Variants in CTSS observed in about 807,000 individuals in gnomAD.
CTSS encodes cathepsin S.
Under a neutral mutation model 39.9 loss-of-function variants are expected in CTSS, and 15 were observed. That is an observed-to-expected ratio of 0.38 (90% CI 0.25 to 0.58). The LOEUF (loss-of-function observed/expected upper bound fraction) is 0.58, where lower values mean the gene tolerates loss of function less well. CTSS is among the 20% of genes least tolerant of loss of function. The pLI is 0.70. For missense variants in CTSS, 250 were observed against 398.2 expected (o/e 0.63, Z 3.17); for synonymous variants, 126 against 138.2 (o/e 0.91, Z 0.62).
intron 7 of CTSS, among the ~76,000 whole-genome samples, chr1:150,739,692 ACAAAAAG>A (rs1182456385): frequency 2.0e-5 from 3 of 150,428 alleles, no homozygotes; most frequent in African/African-American, 4.9e-5. Context: ...AACAACAACA[ACAAAAAG>A]AAAGAAAGAA....
Position 150,750,526 on chromosome 1 carries a change from A to G in CTSS, c.628-355T>C, listed in dbSNP as rs2101919492. Among the ~76,000 whole-genome samples, 2 of 152,376 alleles carry G rather than the reference A, an allele frequency of 1.3e-5. 1 individual carries two copies. Among genetic ancestry groups the G allele is most frequent in the Middle Eastern group, 6.8e-3 (2 of 294 alleles). On this transcript the variant is annotated intron_variant, in intron 5 of 7. Transcript: ENST00000368985. The stretch of plus-strand genomic sequence containing the variant: ...GATGCCTGCAAGATGATCTGCAGCT[A>G]AAATGATGGTATATAAAGACCATAT...
At chr1:150,759,271 A>G (rs1306670723) in intron 2 of CTSS, among the ~76,000 whole-genome samples, 2 of 152,044 alleles carry the variant, frequency 1.3e-5, no homozygotes, top group East Asian at 1.9e-4. Flanking sequence ...TGGAGGACTC[A>G]GGACCTTTTC....
intron 7 of CTSS, among the ~76,000 whole-genome samples, chr1:150,736,052 C>T (rs1283585817): frequency 4.6e-5 from 7 of 152,148 alleles, no homozygotes; most frequent in Middle Eastern, 3.2e-3. Flanking sequence ...GCCACTGCGC[C>T]TGGCCCAATT....
intron 2 of CTSS, 101 bp from the exon 3 acceptor site, chr1:150,758,081 ACT>A (rs1352603611): frequency 2.7e-6 from 3 of 1,116,344 alleles, no homozygotes; most frequent in Middle Eastern, 2.8e-4. Flanking sequence ...ATGGAGTCTC[ACT>A]CTGTCACCCA....
At position 150,750,125 on chromosome 1, in the gene CTSS, G is replaced by A. The variant is rs1418968112; in HGVS notation, c.674C>T (p.Ser225Leu). 4.0e-5 allele frequency: 64 copies of A among 1,613,578 alleles called. No individual in the cohort carries two copies. Among genetic ancestry groups the A allele is most frequent in the Non-Finnish European group, 5.3e-5 (62 of 1,179,712 alleles). Residue 225 changes from serine to leucine, a missense_variant, in exon 6 of 8, where the codon TCA becomes TTA. Ser to Leu is a moderately radical substitution (Grantham distance 145). Transcript: ENST00000368985. ...YDSKYRAATC[S>L]KYTELPYGRE... ...GCCATAAGGAAGTTCAGTGTACTTT[G>A]AACATGTGGCAGCACGATATTTTGA...
At position 150,755,067 on chromosome 1, in the gene CTSS, A is replaced by T. The variant is rs1653092217; in HGVS notation, c.333T>A (p.Pro111=). 1 of 1,614,016 alleles carries T rather than the reference A, an allele frequency of 6.2e-7. No homozygotes were observed. Among genetic ancestry groups the T allele is most frequent in the East Asian group, 2.2e-5 (1 of 44,886 alleles). The part of the protein sequence containing the change: ...WQRNITYKSN[P]NRILPDSVDW... ...CCACAGAATCAGGCAATATCCGATT[A>T]GGGTTTGACTTATATGTGATATTTC... The change falls in exon 4 of 8, where the codon CCT becomes CCA. Residue 111 remains proline (P), a synonymous_variant. Transcript: ENST00000368985.
At chr1:150,741,661 A>T (rs1407798647) in intron 7 of CTSS, among the ~76,000 whole-genome samples, 2 of 152,138 alleles carry the variant, frequency 1.3e-5, no homozygotes, top group Non-Finnish European at 2.9e-5. Context: ...ATCACCCAAG[A>T]TCAGGAGTTG....
intron 2 of CTSS, among the ~76,000 whole-genome samples, chr1:150,761,494 G>A (rs587657080): frequency 2.6e-4 from 40 of 152,264 alleles, no homozygotes; most frequent in African/African-American, 8.9e-4. Flanking sequence ...CACTATGGGA[G>A]GCCGAAGCAG....
At chr1:150,738,715 C>T (rs1557808420) in intron 7 of CTSS, among the ~76,000 whole-genome samples, 1 of 151,674 alleles carries the variant, frequency 6.6e-6, no homozygotes, top group Non-Finnish European at 1.5e-5. Context: ...GATCAGTGAT[C>T]TTTAATATTA....
chr1:150,753,622 T>C (rs1653052290), intron 4 of CTSS, among the ~76,000 whole-genome samples: 1 of 152,172 alleles, frequency 6.6e-6, no homozygotes, highest in South Asian at 2.1e-4. Flanking sequence ...AGTTCAGTGT[T>C]TGTCTAAGTA....
rs1175054246 is a variant in CTSS at position 150,744,447 on chromosome 1, G to T, written c.896+3330C>A. ...TATACATAATATTTATATATTATAT[G>T]TATATTATGTATACATAATATATTA... is the stretch of plus-strand genomic sequence containing the variant. On this transcript the variant is annotated intron_variant, in intron 7 of 7. Transcript: ENST00000368985. Among the ~76,000 whole-genome samples the T allele has an allele frequency of 2.3e-3, 70 of 30,656 alleles. 4 individuals carry two copies. The highest frequency in any genetic ancestry group is 6.8e-3 in the African/African-American group (68 of 10,038). 20.1% of individuals were successfully genotyped at this position (30,656 alleles called of 152,430 possible). A position where few individuals can be genotyped will look rare whatever the true frequency, so the allele number is the denominator to read the frequency against.
chr1:150,762,593 G>C (rs1653287947), intron 2 of CTSS, among the ~76,000 whole-genome samples: 1 of 152,078 alleles, frequency 6.6e-6, no homozygotes, highest in African/African-American at 2.4e-5. Context: ...AAACAACCCT[G>C]TTTAAAAATG....
intron 7 of CTSS, among the ~76,000 whole-genome samples, chr1:150,739,087 C>T (rs757837194): frequency 1.3e-4 from 20 of 151,956 alleles, no homozygotes; most frequent in East Asian, 1.9e-4. Flanking sequence ...CCAGTTACTC[C>T]GGAGGCTGAG....
rs1035094963 is a variant in CTSS, at chr1:150,732,496, G to A, written c.*550C>T. ...ATAAAACAATAAGCAATTACAGATTGTTTTAGGTTGAACAATTTTTGTACA... is the reference window on the plus strand; with the variant it reads ...ATAAAACAATAAGCAATTACAGATTATTTTAGGTTGAACAATTTTTGTACA... On this transcript the variant is annotated 3_prime_UTR_variant, in exon 8 of 8. Transcript: ENST00000368985. 2 of 152,186 alleles carry A rather than the reference G, an allele frequency of 1.3e-5. No individual in the cohort carries two copies. Among genetic ancestry groups the A allele is most frequent in the Non-Finnish European group, 2.9e-5 (2 of 68,050 alleles). The allele number at this position is 152,186 out of a possible 1,614,324, so 9.4% of individuals were successfully genotyped here.
In CTSS at chr1:150,755,897, A is replaced by G. The variant is rs587663926; in HGVS notation, c.250-747T>C. ...TATAAACACGGTGCACTTTGGCTACACTAAATTTGTTAAAACATTTTTCTT... is the reference window on the plus strand; with the variant it reads ...TATAAACACGGTGCACTTTGGCTACGCTAAATTTGTTAAAACATTTTTCTT... On this transcript the variant is annotated intron_variant, in intron 3 of 7. Transcript: ENST00000368985. Among the ~76,000 whole-genome samples, 7 of 152,334 alleles carry G rather than the reference A, an allele frequency of 4.6e-5. No individual in the cohort carries two copies. In the East Asian group the frequency reaches 9.6e-4, roughly 21 times the overall value.
chr1:150,750,554 T>C (rs944054766), intron 5 of CTSS, among the ~76,000 whole-genome samples: 1 of 152,168 alleles, frequency 6.6e-6, no homozygotes, highest in South Asian at 2.1e-4. Context: ...GACCATATAA[T>C]ATGGGAAACA....
At chr1:150,751,380 T>C (rs975307768) in intron 5 of CTSS, among the ~76,000 whole-genome samples, 1 of 152,010 alleles carries the variant, frequency 6.6e-6, no homozygotes, top group African/African-American at 2.4e-5. Flanking sequence ...CCCGAGTAGC[T>C]GGGACCACAG....
intron 2 of CTSS, among the ~76,000 whole-genome samples, chr1:150,758,775 C>T (rs1368552566): frequency 1.3e-5 from 2 of 150,944 alleles, no homozygotes; most frequent in African/African-American, 4.9e-5. Context: ...ATATTGAATT[C>T]CTGGGCTCAA....
intron 7 of CTSS, among the ~76,000 whole-genome samples, chr1:150,743,133 G>A (rs1311373375): frequency 6.6e-6 from 1 of 152,094 alleles, no homozygotes; most frequent in African/African-American, 2.4e-5. Flanking sequence ...GCAAACTCAT[G>A]TAACAGGCAG....
Sources: gnomAD v4.1 joint callset for allele counts (sites outside exome capture counted in the v4.1 genomes callset) on GRCh38, gnomAD v4.1.1 for gene constraint, MANE v1.5 for transcripts, NCBI Gene and HGNC (gene_info 2026-07-23, HGNC 2026-07-21) for gene names.